Variants in INF2 observed in about 807,000 individuals in gnomAD.
INF2 encodes inverted formin-2.
In INF2, 43 loss-of-function variants were observed where a neutral mutation model predicts 123.5. That is an observed-to-expected ratio of 0.35 (90% CI 0.27 to 0.45). The LOEUF (loss-of-function observed/expected upper bound fraction) is 0.45. Among genes scored for constraint, INF2 ranks in the 20% least tolerant of loss-of-function variants. The pLI, the probability that INF2 is intolerant of heterozygous loss-of-function variation, is 1.00. For synonymous variants in INF2, 851 were observed against 745.0 expected (o/e 1.14, Z -2.32); for missense variants, 1,453 against 1,682.7 (o/e 0.86, Z 2.39).
intron 2 of INF2, among the ~76,000 whole-genome samples, 182 bp downstream of exon 2, chr14:104,701,938 C>T (rs912829978): frequency 2.6e-5 from 4 of 152,140 alleles, no homozygotes; most frequent in Admixed American, 2.0e-4. Flanking sequence ...ACATTCACTC[C>T]GAGTCTGAGG....
rs146961796 is a variant in INF2, at chr14:104,682,570, G to T, written c.-104+988G>T. Reference sequence around the variant, plus strand: ...TGGAGGCGTGGGGAAGGCAGAGCGGGCTGCCTGGCCTGCAGGCCAGGTGAG... The same window carrying T: ...TGGAGGCGTGGGGAAGGCAGAGCGGTCTGCCTGGCCTGCAGGCCAGGTGAG... On this transcript the variant is annotated intron_variant, in intron 1 of 2. Coordinates refer to the INF2 transcript ENST00000674723. Among the ~76,000 whole-genome samples, 14 of 152,278 alleles carry T rather than the reference G, an allele frequency of 9.2e-5. No homozygotes were observed. In the East Asian group the frequency reaches 2.7e-3, roughly 29 times the overall value.
intron 22 of INF2, 113 bp downstream of exon 22, chr14:104,715,453 G>A (rs897140098): frequency 1.1e-5 from 11 of 1,015,654 alleles, no homozygotes; most frequent in Middle Eastern, 2.9e-4. Context: ...TCCAGCCCGC[G>A]TGGTGCGTCA....
At chr14:104,708,805 A>T in intron 10 of INF2, 73 bp downstream of exon 10, 1 of 1,471,466 alleles carries the variant, frequency 6.8e-7, no homozygotes, top group Non-Finnish European at 9.5e-7. Context: ...ACTTGGGCCC[A>T]GCAGTGCCCT....
At position 104,703,088 on chromosome 14, in the gene INF2, C is replaced by G. The variant is rs117462673; in HGVS notation, c.392-17C>G. ...GGTGCATTGGCCCTGCTGAGCCTGC[C>G]CACTCCACCCTGGCAGCCCTGGACA... On this transcript the variant is annotated splice_polypyrimidine_tract_variant and intron_variant, in intron 2 of 22. Transcript: ENST00000392634. The G allele has an allele frequency of 1.4e-5, 22 of 1,601,986 alleles. No individual in the cohort carries two copies. The Admixed American group carries it at 1.5e-4, about 11-fold the overall frequency.
chr14:104,709,530 T>TGGGCAC, intron 11 of INF2, 90 bp from the exon 12 acceptor site: 1 of 1,334,960 alleles, frequency 7.5e-7, no homozygotes, highest in Non-Finnish European at 1.1e-6. Context: ...GGAGCCATGA[T>TGGGCAC]GGGCACTGGA....
chr14:104,708,994 C>G (rs1016326500), intron 10 of INF2, among the ~76,000 whole-genome samples: 1 of 152,208 alleles, frequency 6.6e-6, no homozygotes, highest in African/African-American at 2.4e-5. Flanking sequence ...CTCTCAGCCC[C>G]CGAGTCCTTT....
chr14:104,715,760 C>T (rs879651485), intron 22 of INF2: 18 of 494,014 alleles, frequency 3.6e-5, no homozygotes, highest in Non-Finnish European at 5.5e-5. Flanking sequence ...CTTTCCTGCT[C>T]TGTCTGTTGG....
rs548677063 is a variant in INF2 at position 104,709,552 on chromosome 14, C to T, written c.2053-68C>T. The T allele has an allele frequency of 2.7e-5, 40 of 1,470,094 alleles. No homozygotes were observed. The East Asian group carries it at 4.5e-4, about 17-fold the overall frequency. The allele number at this position is 1,470,094 out of a possible 1,614,324, so 91.1% of individuals were successfully genotyped here. ...TGATGGGCACTGGAGGGGCTGAGCCCGGCGGGCAGTCCGGGAGGGCGGGAA... is the reference window on the plus strand; with the variant it reads ...TGATGGGCACTGGAGGGGCTGAGCCTGGCGGGCAGTCCGGGAGGGCGGGAA... On this transcript the variant is annotated intron_variant, in intron 11 of 22. Coordinates refer to ENST00000392634, the MANE Select transcript of INF2 (RefSeq NM_022489.4).
At position 104,705,960 on chromosome 14, in the gene INF2, G is replaced by A. The variant is rs1029998608; in HGVS notation, c.702-75G>A. On this transcript the variant is annotated intron_variant, in intron 5 of 22. Transcript: ENST00000392634. The stretch of plus-strand genomic sequence containing the variant: ...GGCTGAGCGGGGCTGGTACACTGGC[G>A]CTGACCCAGGCTGCCCCGCCTGCGT... 2.5e-5 allele frequency: 39 copies of A among 1,557,690 alleles called. No homozygotes were observed. In the East Asian group the frequency reaches 5.5e-4, roughly 22 times the overall value.
upstream of INF2, chr14:104,689,122 G>A: frequency 1.2e-6 from 1 of 830,474 alleles, no homozygotes; most frequent in Non-Finnish European, 1.5e-6. Flanking sequence ...TGGGTGGCCT[G>A]GTTGATGGGT....
chr14:104,712,634 T>C (rs1171999209), intron 17 of INF2, 81 bp downstream of exon 17: 9 of 1,597,342 alleles, frequency 5.6e-6, no homozygotes, highest in Non-Finnish European at 6.8e-6. Flanking sequence ...TGCTGTCTCC[T>C]GGCTCCAGGG....
intron 1 of INF2, among the ~76,000 whole-genome samples, chr14:104,683,378 G>T (rs546674155): frequency 2.0e-5 from 3 of 152,034 alleles, no homozygotes; most frequent in Non-Finnish European, 2.9e-5. Flanking sequence ...TCCCCTGGGT[G>T]CCTGGGTCCC....
At chr14:104,715,435 G>A in intron 22 of INF2, 95 bp downstream of exon 22, 1 of 1,180,274 alleles carries the variant, frequency 8.5e-7, no homozygotes, top group Non-Finnish European at 1.3e-6. Flanking sequence ...ACACTAACCT[G>A]GCTTCTCTCC....
exon 1 of INF2, chr14:104,681,458 G>C: frequency 1.4e-6 from 1 of 726,312 alleles, no homozygotes; most frequent in Non-Finnish European, 2.1e-6. Context: ...TAGGAGGCCT[G>C]ATGTAGAAAG....
rs767350163 is a variant in INF2, at chr14:104,708,432, A to C, written c.1736-4A>C. The C allele has an allele frequency of 6.2e-7, 1 of 1,611,588 alleles. No homozygotes were observed. Among genetic ancestry groups the C allele is most frequent in the East Asian group, 2.2e-5 (1 of 44,862 alleles). ...GCCTCACTGGCCGTGTCCCCACCCG[A>C]CAGAGCACAACTCTATGTGGGCGTC... On this transcript the variant is annotated splice_polypyrimidine_tract_variant and splice_region_variant and intron_variant, in intron 8 of 22. Transcript: ENST00000392634.
At chr14:104,704,468 A>G in intron 5 of INF2, 2 of 194,304 alleles carry the variant, frequency 1.0e-5, no homozygotes, top group South Asian at 2.2e-4. Context: ...GCCACGCAGC[A>G]GGAAGTGAGC....
At chr14:104,691,165 G>A (rs754280397) in intron 1 of INF2, 2 of 152,262 alleles carry the variant, frequency 1.3e-5, no homozygotes, top group Non-Finnish European at 2.9e-5. Context: ...AGGAGCTGAC[G>A]GCTGTCAAGC....
upstream of INF2, chr14:104,689,140 C>G: frequency 1.1e-6 from 1 of 921,342 alleles, no homozygotes. Context: ...GGTAGGCTCT[C>G]TCTCCCCAAA....
rs771775245 is a variant in INF2, at chr14:104,707,456, G to C, written c.1189G>C (p.Val397Leu). 1 of 1,560,104 alleles carries C rather than the reference G, an allele frequency of 6.4e-7. No individual in the cohort carries two copies. Among genetic ancestry groups the C allele is most frequent in the Non-Finnish European group, 8.7e-7 (1 of 1,152,846 alleles). ...QPAAAAACEP[V>L]DHAQSESILK... is the part of the protein sequence containing the mutation. ...AGCAGCAGCTGCTGCCTGCGAGCCC[G>C]TGGACCACGCCCAGAGTGAGAGCAT... Residue 397 changes from valine (V) to leucine (L), a missense_variant, in exon 8 of 23, where the codon GTG becomes CTG. By Grantham distance (32) the Val-to-Leu change is conservative (BLOSUM62 1). This residue lies in a region of INF2 where 374 missense variants were observed against 303.7 expected (regional missense o/e 1.23). Transcript: ENST00000392634.
Sources: gnomAD v4.1 joint callset for allele counts (sites outside exome capture counted in the v4.1 genomes callset) on GRCh38, gnomAD v4.1.1 for gene constraint, gnomAD v4.1.1 regional missense constraint, MANE v1.5 for transcripts, NCBI Gene and HGNC (gene_info 2026-07-23, HGNC 2026-07-21) for gene names.